ZNF540: variants seen among roughly 807,000 people sequenced by gnomAD.
ZNF540 encodes the protein zinc finger protein 540.
A neutral mutation model predicts 11.8 loss-of-function variants in ZNF540; 3 were observed. The ratio of observed to expected loss-of-function variants is 0.25; its 90% CI spans 0.12 to 0.65. The LOEUF is 0.65. Ranked by LOEUF, ZNF540 falls within the 30% of genes least tolerant of loss-of-function variation. The pLI, the probability that ZNF540 is intolerant of heterozygous loss-of-function variation, is 0.83. For missense variants in ZNF540, 709 were observed against 793.1 expected, an observed-to-expected ratio of 0.89 and a Z score of 1.27; for synonymous variants, 247 against 259.0, an observed-to-expected ratio of 0.95 and a Z score of 0.45.
At chr19:37,596,273 TGCATCATTTTATTGC>T (rs1174077066) in intron 1 of ZNF540, among the ~76,000 whole-genome samples, 2 of 152,214 alleles carry the variant, frequency 1.3e-5, no homozygotes, top group Non-Finnish European at 2.9e-5. Flanking sequence ...CATTTTATTG[TGCATCATTTTATTGC>T]ACTTTGCAGA....
intron 1 of ZNF540, chr19:37,565,603 A>T (rs2042826857): frequency 6.2e-7 from 1 of 1,612,950 alleles, no homozygotes; most frequent in South Asian, 1.1e-5. Flanking sequence ...AGGGTTTTTC[A>T]CCACTATGAA....
At chr19:37,583,903 G>C in intron 1 of ZNF540, 6 of 1,504,888 alleles carry the variant, frequency 4.0e-6, no homozygotes, top group Non-Finnish European at 5.4e-6. Context: ...ATGGAGATCA[G>C]AAATTCACAA....
At chr19:37,568,888 T>C (rs570978952) in intron 1 of ZNF540, among the ~76,000 whole-genome samples, 150 of 152,232 alleles carry the variant, frequency 9.9e-4, no homozygotes, top group African/African-American at 3.6e-3. Context: ...CTACTGAATA[T>C]ATCTCCTAAG....
chr19:37,609,036 T>G (rs966935361), intron 4 of ZNF540, among the ~76,000 whole-genome samples: 2 of 152,234 alleles, frequency 1.3e-5, no homozygotes, highest in South Asian at 4.1e-4. Flanking sequence ...TTGACACTTC[T>G]AGTCTCCCAG....
chr19:37,551,672 A>G (rs1010674521), intron 1 of ZNF540: 2 of 152,346 alleles, frequency 1.3e-5, no homozygotes, highest in Admixed American at 6.5e-5. Context: ...CGAGGTAGGT[A>G]CCGCCTGCCT....
At chr19:37,560,308 A>G (rs2042703341) in intron 1 of ZNF540, 1 of 152,032 alleles carries the variant, frequency 6.6e-6, no homozygotes, top group African/African-American at 2.4e-5. Context: ...ATAAATAAAA[A>G]TAAATTTTAC....
intron 4 of ZNF540, among the ~76,000 whole-genome samples, chr19:37,608,474 C>A (rs555285175): frequency 6.6e-6 from 1 of 152,210 alleles, no homozygotes; most frequent in African/African-American, 2.4e-5. Context: ...TTCTTATAGT[C>A]TTTTAAAATT....
At chr19:37,566,089 G>A in intron 1 of ZNF540, 1 of 1,614,050 alleles carries the variant, frequency 6.2e-7, no homozygotes. Flanking sequence ...TTTCTTCACA[G>A]GTAATTTTGA....
chr19:37,591,415 C>A (rs1044276540), upstream of ZNF540, among the ~76,000 whole-genome samples: 2 of 152,166 alleles, frequency 1.3e-5, no homozygotes, highest in Non-Finnish European at 2.9e-5. Flanking sequence ...CACAATAGTT[C>A]GAAACATATG....
At chr19:37,591,735 G>A (rs1325169561), upstream of ZNF540, among the ~76,000 whole-genome samples, 1 of 151,902 alleles carries the variant, frequency 6.6e-6, no homozygotes, top group African/African-American at 2.4e-5. Flanking sequence ...GTAGAGACGG[G>A]GTTTCTCCAT....
At chr19:37,611,436 C>T in intron 4 of ZNF540, 77 bp from the exon 5 acceptor site, 2 of 1,217,152 alleles carry the variant, frequency 1.6e-6, no homozygotes, top group Non-Finnish European at 2.3e-6. Context: ...ACTTTGTTTC[C>T]TATTTTGAAA....
chr19:37,572,868 C>T (rs2043112243), intron 1 of ZNF540, among the ~76,000 whole-genome samples: 1 of 152,160 alleles, frequency 6.6e-6, no homozygotes, highest in Non-Finnish European at 1.5e-5. Flanking sequence ...CTATTTCCAA[C>T]CCTAATATTT....
chr19:37,563,104 A>C (rs571138103), intron 1 of ZNF540: 7 of 152,310 alleles, frequency 4.6e-5, no homozygotes, highest in African/African-American at 1.7e-4. Context: ...TGAGGCAGGT[A>C]GATGCTTGAG....
In ZNF540 at chr19:37,565,716, G is replaced by T. The variant is rs1190288015; in HGVS notation, c.-73+14051G>T. 4 of 1,613,904 alleles carry T rather than the reference G, an allele frequency of 2.5e-6. No homozygotes were observed. In the Admixed American group the frequency reaches 6.7e-5, roughly 27 times the overall value. On this transcript the variant is annotated intron_variant, in intron 1 of 4. Transcript: ENST00000592533. ...GTATGAACTCTCTGATGTTCAGTGA[G>T]CTGTGAACCACGAATAAAAGCTTTC... is the stretch of plus-strand genomic sequence containing the variant.
chr19:37,581,306 A>G (rs2043450724), intron 1 of ZNF540, among the ~76,000 whole-genome samples: 1 of 152,146 alleles, frequency 6.6e-6, no homozygotes, highest in Non-Finnish European at 1.5e-5. Flanking sequence ...TACTAACATA[A>G]TAATACATAA....
At chr19:37,563,642 T>C (rs1230731634) in intron 1 of ZNF540, 33 of 150,788 alleles carry the variant, frequency 2.2e-4, no homozygotes, top group Non-Finnish European at 1.5e-5. Context: ...GTGGAATATA[T>C]ACACACGTGG....
chr19:37,560,038 A>C (rs768279001), intron 1 of ZNF540, among the ~76,000 whole-genome samples: 1 of 152,160 alleles, frequency 6.6e-6, no homozygotes, highest in Non-Finnish European at 1.5e-5. Context: ...GCACTTTGGG[A>C]GGCCAAGGCG....
Position 37,611,526 on chromosome 19 carries a change from G to T in ZNF540, c.246G>T (p.Arg82Ser), listed in dbSNP as rs1356709124. The T allele has an allele frequency of 6.3e-7, 1 of 1,596,316 alleles. No individual in the cohort carries two copies. Among genetic ancestry groups the T allele is most frequent in the Non-Finnish European group, 8.5e-7 (1 of 1,172,734 alleles). The change falls in exon 5 of 5, where the codon AGG becomes AGT. Residue 82 changes from arginine to serine, a missense_variant. By Grantham distance (110) the Arg-to-Ser change is moderately radical (BLOSUM62 -1). Transcript: ENST00000316433. The stretch of plus-strand genomic sequence containing the variant: ...GTTTTCTTTCAGGTTTGTTATCCAG[G>T]CATAAGACCAAGAAATTATCTTCAG... Reference protein sequence around the residue: ...TGRQCPGLLSRHKTKKLSSEK... With the variant: ...TGRQCPGLLSSHKTKKLSSEK...
chr19:37,611,024 CT>C (rs35099503), intron 4 of ZNF540: 1,801 of 144,762 alleles, frequency 0.012, 32 homozygotes, highest in African/African-American at 0.038. Flanking sequence ...CTTATATAAT[CT>C]TTTTTTTTTT....
Sources: allele counts gnomAD v4.1 joint callset (sites outside exome capture counted in the v4.1 genomes callset), GRCh38; gene constraint gnomAD v4.1.1; transcripts MANE v1.5; gene names NCBI Gene and HGNC (gene_info 2026-07-23, HGNC 2026-07-21).